Variants in SLC14A1 observed in about 807,000 individuals in gnomAD.
SLC14A1 encodes solute carrier family 14 member 1 (Kidd blood group).
A neutral mutation model predicts 39.6 loss-of-function variants in SLC14A1; 36 were observed. The observed-to-expected ratio is 0.91, with a 90% CI of 0.70 to 1.20. The LOEUF (loss-of-function observed/expected upper bound fraction) is 1.20, where lower values mean the gene tolerates loss of function less well. Among genes scored for constraint, SLC14A1 ranks in the 50% most tolerant of loss-of-function variants. The pLI is 0.00. For missense variants in SLC14A1, 469 were observed against 478.7 expected, an observed-to-expected ratio of 0.98 and a Z score of 0.19; for synonymous variants, 164 against 173.6, an observed-to-expected ratio of 0.94 and a Z score of 0.43.
chr18:45,727,234 T>C (rs181104308), intron 2 of SLC14A1: 20 of 1,549,500 alleles, frequency 1.3e-5, no homozygotes, highest in African/African-American at 1.2e-4. Flanking sequence ...CTGATTCACA[T>C]ATTTTTGCCC....
Position 45,751,804 on chromosome 18 carries a change from A to ATTAT in SLC14A1, c.*1856_*1857insTTTA. The ATTAT allele has an allele frequency of 1.1e-6, 1 of 883,136 alleles. No homozygotes were observed. Among genetic ancestry groups the ATTAT allele is most frequent in the Non-Finnish European group, 1.4e-6 (1 of 737,284 alleles). The allele number at this position is 883,136 out of a possible 1,614,324, so 54.7% of individuals were successfully genotyped here. ...CTCAAAAAAATTAATTAATTAATTA[A>ATTAT]TTAATTAATTTAAAAAGGAAGTCAT... On this transcript the variant is annotated 3_prime_UTR_variant, in exon 10 of 10. Transcript: ENST00000321925.
intron 9 of SLC14A1, 44 bp from the exon 10 acceptor site, chr18:45,749,734 A>C: frequency 6.2e-7 from 1 of 1,612,396 alleles, no homozygotes; most frequent in Non-Finnish European, 8.5e-7. Flanking sequence ...CTCAGCTGTC[A>C]GATGGGATCT....
At chr18:45,749,717 T>C (rs2047656669) in intron 9 of SLC14A1, 61 bp from the exon 10 acceptor site, 2 of 1,598,770 alleles carry the variant, frequency 1.3e-6, no homozygotes, top group East Asian at 4.5e-5. Context: ...GGGGATGCCT[T>C]GTGCAGCTCA....
At chr18:45,742,359 T>G (rs1170851663) in intron 8 of SLC14A1, among the ~76,000 whole-genome samples, 34 of 145,662 alleles carry the variant, frequency 2.3e-4, no homozygotes, top group South Asian at 1.3e-3. Flanking sequence ...TTTGGTTTTT[T>G]TTTTTTTTTT....
chr18:45,737,391 A>G (rs2047228550), intron 6 of SLC14A1: 1 of 152,464 alleles, frequency 6.6e-6, no homozygotes, highest in Admixed American at 6.5e-5. Flanking sequence ...GGTGTGTAAT[A>G]AATATGTTTA....
In SLC14A1 at chr18:45,739,602, G is replaced by A; in HGVS notation, c.886G>A (p.Ala296Thr). 1 of 1,614,158 alleles carries A rather than the reference G, an allele frequency of 6.2e-7. No individual in the cohort carries two copies. Among genetic ancestry groups the A allele is most frequent in the Non-Finnish European group, 8.5e-7 (1 of 1,180,020 alleles). Residue 296 changes from alanine to threonine, a missense_variant, in exon 8 of 10, where the codon GCA becomes ACA. Ala to Thr is a moderately conservative substitution (Grantham distance 58). Transcript: ENST00000321925. ...WGFNSSLACI[A>T]MGGMFMALTW... The stretch of plus-strand genomic sequence containing the variant: ...TTTCAACAGCTCTCTGGCCTGCATT[G>A]CAATGGGAGGAATGTTCATGGCGCT...
intron 2 of SLC14A1, chr18:45,727,255 A>G (rs755946447): frequency 5.0e-5 from 78 of 1,551,318 alleles, no homozygotes; most frequent in Non-Finnish European, 6.6e-5. Context: ...TTTGTCATGT[A>G]TTGAGAAAAA....
intron 8 of SLC14A1, among the ~76,000 whole-genome samples, chr18:45,744,678 A>G (rs2047491623): frequency 6.6e-6 from 1 of 152,174 alleles, no homozygotes; most frequent in Non-Finnish European, 1.5e-5. Context: ...AGTCCTCTCA[A>G]CATGAGCCCT....
chr18:45,731,730 A>G, intron 4 of SLC14A1: 1 of 194,620 alleles, frequency 5.1e-6, no homozygotes, highest in East Asian at 1.2e-4. Flanking sequence ...CTTCTGATAT[A>G]TTGATTAGAT....
chr18:45,734,295 C>T lies in SLC14A1; in HGVS notation c.363C>T (p.Leu121=), dbSNP rs1336662557. 4 of 1,613,950 alleles carry T rather than the reference C, an allele frequency of 2.5e-6. No homozygotes were observed. In the African/African-American group the frequency reaches 5.3e-5, roughly 22 times the overall value. The change falls in exon 5 of 10, where the codon CTC becomes CTT. Residue 121 remains leucine (L), a synonymous_variant. Transcript: ENST00000321925. ...ACAGGTCATTAATAGCATCTGGGCT[C>T]TATGGCTACAATGCCACCCTGGTGG... ...SQDRSLIASG[L]YGYNATLVGV...
intron 2 of SLC14A1, among the ~76,000 whole-genome samples, chr18:45,727,591 G>C (rs934292659): frequency 6.6e-6 from 1 of 152,212 alleles, no homozygotes; most frequent in Admixed American, 6.5e-5. Context: ...TTAGAGGCTA[G>C]ACCATTGAGC....
chr18:45,725,407 G>A (rs1422170639), intron 2 of SLC14A1, among the ~76,000 whole-genome samples: 1 of 152,202 alleles, frequency 6.6e-6, no homozygotes, highest in Non-Finnish European at 1.5e-5. Context: ...AAGCCTTGCT[G>A]TAGATGTGTC....
At position 45,752,165 on chromosome 18, in the gene SLC14A1, C is replaced by A. The variant is rs1209378576; in HGVS notation, c.*2214C>A. The stretch of plus-strand genomic sequence containing the variant: ...TCAATTTTCAGTGTTTGAACTGAAC[C>A]CTTTCTTGTTAGGGAACGTGTGAAA... On this transcript the variant is annotated 3_prime_UTR_variant, in exon 10 of 10. Transcript: ENST00000321925. 1 of 985,148 alleles carries A rather than the reference C, an allele frequency of 1.0e-6. No individual in the cohort carries two copies. The highest frequency in any genetic ancestry group is 1.2e-6 in the Non-Finnish European group (1 of 829,894). The allele number at this position is 985,148 out of a possible 1,614,324, so 61.0% of individuals were successfully genotyped here.
chr18:45,730,582 T>G (rs2047000280), intron 3 of SLC14A1, 111 bp downstream of exon 3: 2 of 1,189,856 alleles, frequency 1.7e-6, no homozygotes, highest in South Asian at 1.3e-5. Flanking sequence ...TTTATAGATC[T>G]CTTTACTCAC....
intron 2 of SLC14A1, 22 bp from the exon 3 acceptor site, chr18:45,730,278 T>C (rs751822915): frequency 3.1e-6 from 5 of 1,605,872 alleles, no homozygotes; most frequent in Admixed American, 3.4e-5. Flanking sequence ...GGGATACTTA[T>C]AAGCTCTGTC....
At position 45,751,413 on chromosome 18, in the gene SLC14A1, CCT is replaced by C. The variant is rs2047706502; in HGVS notation, c.*1463_*1464del. The C allele has an allele frequency of 4.1e-6, 4 of 983,478 alleles. No homozygotes were observed. Among genetic ancestry groups the C allele is most frequent in the African/African-American group, 3.5e-5 (2 of 56,850 alleles). 60.9% of individuals were successfully genotyped at this position (983,478 alleles called of 1,614,324 possible). On this transcript the variant is annotated 3_prime_UTR_variant, in exon 10 of 10. Transcript: ENST00000321925. ...ACAAAACAAAACAGGTAAGGATTCCCCTGTTTTCCTCTCTTTAATTTTAAAGT... is the reference window on the plus strand; with the variant it reads ...ACAAAACAAAACAGGTAAGGATTCCCGTTTTCCTCTCTTTAATTTTAAAGT...
chr18:45,733,099 G>C (rs2047081201), intron 4 of SLC14A1, among the ~76,000 whole-genome samples: 1 of 152,174 alleles, frequency 6.6e-6, no homozygotes. Context: ...CTCCAAAAGA[G>C]GAGAGGAAGG....
At chr18:45,747,349 C>T (rs2047574219) in intron 8 of SLC14A1, 1 of 152,156 alleles carries the variant, frequency 6.6e-6, no homozygotes, top group African/African-American at 2.4e-5. Flanking sequence ...CCCATATACT[C>T]GAATTACTGA....
chr18:45,743,035 G>C (rs1433413809), intron 8 of SLC14A1, among the ~76,000 whole-genome samples: 7 of 152,186 alleles, frequency 4.6e-5, no homozygotes, highest in African/African-American at 1.7e-4. Flanking sequence ...CGAAGCTCTT[G>C]ACATGTTGTT....
Sources: allele counts gnomAD v4.1 joint callset (sites outside exome capture counted in the v4.1 genomes callset), GRCh38; gene constraint gnomAD v4.1.1; transcripts MANE v1.5; gene names NCBI Gene and HGNC (gene_info 2026-07-23, HGNC 2026-07-21).